Variants in PARD3 observed in about 807,000 individuals in gnomAD.
PARD3 encodes partitioning defective 3 homolog.
A neutral mutation model predicts 155.4 loss-of-function variants in PARD3; 75 were observed. That is an observed-to-expected ratio of 0.48 (90% CI 0.40 to 0.58). The LOEUF (loss-of-function observed/expected upper bound fraction) is 0.58. Ranked by LOEUF, PARD3 falls within the 20% of genes least tolerant of loss-of-function variation. The probability of loss-of-function intolerance (pLI) is 0.00; values close to 1 mark genes in which losing one functional copy is unlikely to be tolerated. For missense variants in PARD3, 1,642 were observed against 1,721.7 expected (o/e 0.95, Z 0.82); for synonymous variants, 576 against 610.5 (o/e 0.94, Z 0.83).
At chr10:34,549,668 C>G (rs150026150) in intron 2 of PARD3, among the ~76,000 whole-genome samples, 61 of 152,204 alleles carry the variant, frequency 4.0e-4, no homozygotes, top group African/African-American at 1.2e-3. Context: ...TACACATTGG[C>G]TAGAGTTGTA....
intron 22 of PARD3, among the ~76,000 whole-genome samples, chr10:34,261,725 A>G (rs774949487): frequency 7.4e-5 from 8 of 107,938 alleles, no homozygotes; most frequent in African/African-American, 1.8e-4. Flanking sequence ...AGAAAGGAAG[A>G]AAGGAAGGAA....
chr10:34,457,000 A>G (rs1432513299), intron 4 of PARD3, among the ~76,000 whole-genome samples: 1 of 152,178 alleles, frequency 6.6e-6, no homozygotes, highest in Admixed American at 6.5e-5. Context: ...ATTACAACTA[A>G]GTTTCCAAAT....
intron 3 of PARD3, among the ~76,000 whole-genome samples, chr10:34,491,584 T>C (rs1036725672): frequency 6.6e-5 from 10 of 152,234 alleles, no homozygotes; most frequent in African/African-American, 2.4e-4. Context: ...TAAAGTGCTA[T>C]ATTTAGAACT....
intron 12 of PARD3, among the ~76,000 whole-genome samples, chr10:34,361,184 G>C (rs553175592): frequency 1.3e-4 from 20 of 152,160 alleles, no homozygotes; most frequent in Admixed American, 9.2e-4. Flanking sequence ...AAATCAGTAA[G>C]GCTAGGATGC....
chr10:34,581,084 T>A (rs953330186), intron 2 of PARD3, among the ~76,000 whole-genome samples: 2 of 152,218 alleles, frequency 1.3e-5, no homozygotes, highest in African/African-American at 4.8e-5. Flanking sequence ...AAGTAGCCAA[T>A]GTTAAACATA....
chr10:34,279,235 G>A (rs951324690), intron 21 of PARD3, among the ~76,000 whole-genome samples: 9 of 139,950 alleles, frequency 6.4e-5, no homozygotes, highest in South Asian at 2.3e-4. Flanking sequence ...CTGCAGCCTC[G>A]AACTCCTGGG....
rs568909437 is a variant in PARD3, at chr10:34,235,917, A to G, written c.3419+33740T>C. Among the ~76,000 whole-genome samples the G allele has an allele frequency of 3.3e-5, 5 of 152,352 alleles. No individual in the cohort carries two copies. In the South Asian group the frequency reaches 6.2e-4, roughly 19 times the overall value. On this transcript the variant is annotated intron_variant, in intron 22 of 24. Transcript: ENST00000374788. ...TTTCTCTCTAAAAATATCCAACCAT[A>G]TAAGTATATTCAAACACTTTTAAAA...
chr10:34,223,996 G>A (rs527932160), intron 22 of PARD3, among the ~76,000 whole-genome samples: 58 of 152,280 alleles, frequency 3.8e-4, no homozygotes, highest in African/African-American at 1.3e-3. Flanking sequence ...AGACAATAGA[G>A]GTGGATATTT....
At position 34,605,216 on chromosome 10, in the gene PARD3, G is replaced by A. The variant is rs180890759; in HGVS notation, c.223-88057C>T. Among the ~76,000 whole-genome samples the A allele has an allele frequency of 8.2e-3, 932 of 113,020 alleles. 15 individuals are homozygous for A. The highest frequency in any genetic ancestry group is 0.032 in the African/African-American group (890 of 27,796). 74.1% of individuals were successfully genotyped at this position (113,020 alleles called of 152,430 possible). On this transcript the variant is annotated intron_variant, in intron 2 of 24. Transcript: ENST00000374788. ...TTTTTTTTTTTTTTTTTTTTGAGAC[G>A]GAGTCTGGCTCTGTCACCCAGGCTG...
Position 34,666,796 on chromosome 10 carries a change from A to AAAAAAAATAT in PARD3, c.222+29521_222+29522insATATTTTTTT, listed in dbSNP as rs1358640964. Among the ~76,000 whole-genome samples the AAAAAAAATAT allele has an allele frequency of 5.8e-4, 39 of 66,908 alleles. 2 individuals are homozygous for AAAAAAAATAT. The highest frequency in any genetic ancestry group is 9.7e-4 in the Non-Finnish European group (34 of 35,118). The allele number at this position is 66,908 out of a possible 152,430, so 43.9% of individuals were successfully genotyped here. On this transcript the variant is annotated intron_variant, in intron 2 of 24. Coordinates refer to ENST00000374788, the MANE Select transcript of PARD3 (RefSeq NM_001184785.2). ...TCCCCCTAAAAAAAAAAAAAAAAAA[A>AAAAAAAATAT]ATATATATATATATATATATACACA... is the stretch of plus-strand genomic sequence containing the variant.
At chr10:34,662,204 A>G (rs1330802633) in intron 2 of PARD3, among the ~76,000 whole-genome samples, 1 of 152,174 alleles carries the variant, frequency 6.6e-6, no homozygotes, top group African/African-American at 2.4e-5. Flanking sequence ...CTACAATGAG[A>G]TATCATCTCA....
chr10:34,232,743 C>T (rs1952998454), intron 22 of PARD3, among the ~76,000 whole-genome samples: 1 of 152,100 alleles, frequency 6.6e-6, no homozygotes, highest in Admixed American at 6.5e-5. Flanking sequence ...CTGTATTGCC[C>T]AAGCGGGAGT....
intron 2 of PARD3, among the ~76,000 whole-genome samples, chr10:34,666,058 A>G (rs2133201061): frequency 6.6e-6 from 1 of 151,932 alleles, no homozygotes; most frequent in African/African-American, 2.4e-5. Flanking sequence ...ACCAAAAAAA[A>G]AATTAAATTA....
chr10:34,783,177 G>T (rs1453005372), intron 1 of PARD3, among the ~76,000 whole-genome samples: 1 of 152,146 alleles, frequency 6.6e-6, no homozygotes, highest in Non-Finnish European at 1.5e-5. Flanking sequence ...CTGAATGATG[G>T]CACTCTGATC....
intron 19 of PARD3, among the ~76,000 whole-genome samples, chr10:34,328,400 T>C (rs1157322233): frequency 6.6e-6 from 1 of 152,154 alleles, no homozygotes; most frequent in Non-Finnish European, 1.5e-5. Context: ...CATAGAATCA[T>C]GGAATGTTAA....
intron 21 of PARD3, among the ~76,000 whole-genome samples, chr10:34,279,163 T>TTTTTTTTTA (rs1210842587): frequency 6.8e-6 from 1 of 148,126 alleles, no homozygotes; most frequent in Non-Finnish European, 1.5e-5. Flanking sequence ...TTTTTTTTTT[T>TTTTTTTTTA]AGAGACAAGC....
intron 2 of PARD3, among the ~76,000 whole-genome samples, chr10:34,654,519 T>C (rs59902196): frequency 1.4e-4 from 21 of 152,334 alleles, no homozygotes; most frequent in African/African-American, 4.8e-4. Context: ...CTCTACAGAA[T>C]GGCACAAGTT....
intron 2 of PARD3, among the ~76,000 whole-genome samples, chr10:34,602,124 A>G (rs2089837863): frequency 6.6e-6 from 1 of 152,220 alleles, no homozygotes; most frequent in African/African-American, 2.4e-5. Context: ...GAACACGAAT[A>G]TATGGCAGAG....
At chr10:34,322,590 A>T (rs1958446587) in intron 19 of PARD3, among the ~76,000 whole-genome samples, 1 of 152,202 alleles carries the variant, frequency 6.6e-6, no homozygotes, top group African/African-American at 2.4e-5. Context: ...ATTTTACTAG[A>T]TTTAAATAAT....
Sources: allele counts gnomAD v4.1 joint callset (sites outside exome capture counted in the v4.1 genomes callset), GRCh38; gene constraint gnomAD v4.1.1; transcripts MANE v1.5; gene names NCBI Gene and HGNC (gene_info 2026-07-23, HGNC 2026-07-21).